The following CLASP1 variants were observed in gnomAD, a reference collection of about 807,000 sequenced individuals.
CLASP1 encodes the protein CLIP-associating protein 1.
Under a neutral mutation model 192.3 loss-of-function variants are expected in CLASP1, and 38 were observed. That is an observed-to-expected ratio of 0.20 (90% confidence interval 0.15 to 0.26). The LOEUF (loss-of-function observed/expected upper bound fraction) is 0.26, where lower values mean the gene tolerates loss of function less well. CLASP1 is among the 10% of genes least tolerant of loss of function. CLASP1 has a pLI of 1.00. For missense variants in CLASP1, 1,433 were observed against 1,932.5 expected (o/e 0.74, Z 4.85); for synonymous variants, 691 against 712.8 (o/e 0.97, Z 0.49).
chr2:121,570,985 G>T (rs938898178), intron 2 of CLASP1, among the ~76,000 whole-genome samples: 1 of 151,568 alleles, frequency 6.6e-6, no homozygotes, highest in Non-Finnish European at 1.5e-5. Flanking sequence ...CAGAACCATG[G>T]CTACAAATTC....
At chr2:121,466,199 T>C (rs1412099434) in intron 9 of CLASP1, among the ~76,000 whole-genome samples, 2 of 152,170 alleles carry the variant, frequency 1.3e-5, no homozygotes, top group African/African-American at 2.4e-5. Context: ...ACTGAAAACA[T>C]CACCTTTAAA....
chr2:121,647,774 A>G (rs1285323161), intron 1 of CLASP1, among the ~76,000 whole-genome samples: 1 of 152,246 alleles, frequency 6.6e-6, no homozygotes, highest in Non-Finnish European at 1.5e-5. Flanking sequence ...TGTAACACAG[A>G]GATACAATAT....
chr2:121,512,081 C>T (rs1229827913), intron 7 of CLASP1, among the ~76,000 whole-genome samples: 1 of 152,068 alleles, frequency 6.6e-6, no homozygotes, highest in African/African-American at 2.4e-5. Context: ...AAAGTAGTTC[C>T]CAATGTAAGT....
At chr2:121,348,763 T>C (rs754188528) in intron 37 of CLASP1, 45 bp from the exon 39 acceptor site, 52 of 1,482,396 alleles carry the variant, frequency 3.5e-5, no homozygotes, top group Admixed American at 1.1e-4. Context: ...ACATGCCACA[T>C]GAAGCGAAAG....
At position 121,546,244 on chromosome 2, in the gene CLASP1, C is replaced by T. The variant is rs573867923; in HGVS notation, c.196-15919G>A. On this transcript the variant is annotated intron_variant, in intron 2 of 39. Coordinates refer to ENST00000263710, the Ensembl canonical transcript of CLASP1. ...AATAACTTGGCAGTTTCTTTAAAAA[C>T]GAAACACACACGTACCCTATGACTG... Among the ~76,000 whole-genome samples, 26 of 151,972 alleles carry T rather than the reference C, an allele frequency of 1.7e-4. No individual in the cohort carries two copies. In the South Asian group the frequency reaches 4.0e-3, roughly 23 times the overall value.
At position 121,427,401 on chromosome 2, in the gene CLASP1, T is replaced by G; in HGVS notation, c.2044+3A>C. On this transcript the variant is annotated splice_donor_region_variant and intron_variant, in intron 21 of 39. Coordinates refer to ENST00000263710, the Ensembl canonical transcript of CLASP1. ...AAAAAAGGCAAGAAGAGAAATGGCT[T>G]ACCACCAGCAGGATTAGCAGATCTG... The G allele has an allele frequency of 6.2e-7, 1 of 1,612,826 alleles. No individual in the cohort carries two copies. Among genetic ancestry groups the G allele is most frequent in the Non-Finnish European group, 8.5e-7 (1 of 1,179,548 alleles).
intron 2 of CLASP1, among the ~76,000 whole-genome samples, chr2:121,602,525 G>C (rs1178063324): frequency 1.3e-5 from 2 of 152,150 alleles, no homozygotes; most frequent in Non-Finnish European, 2.9e-5. Context: ...AAAGAACAAA[G>C]CTAGAGGCAT....
intron 1 of CLASP1, among the ~76,000 whole-genome samples, chr2:121,611,286 G>C (rs2065423219): frequency 7.3e-6 from 1 of 137,878 alleles, no homozygotes; most frequent in South Asian, 2.4e-4. Context: ...TGGAGGAGGA[G>C]GAGTTGGAGG....
chr2:121,461,201 C>T lies in CLASP1; in HGVS notation c.940-8G>A. On this transcript the variant is annotated splice_region_variant and splice_polypyrimidine_tract_variant and intron_variant, in intron 10 of 39. Coordinates refer to ENST00000263710, the Ensembl canonical transcript of CLASP1. ...GTCTCGGCTGGAATAAATCTGTAAG[C>T]AAAATTAATTTACAATCAATATAAA... 1 of 1,494,312 alleles carries T rather than the reference C, an allele frequency of 6.7e-7. No individual in the cohort carries two copies. The allele number at this position is 1,494,312 out of a possible 1,614,324, so 92.6% of individuals were successfully genotyped here.
chr2:121,609,302 G>T lies in CLASP1; in HGVS notation c.-285-3122C>A, dbSNP rs887812306. On this transcript the variant is annotated intron_variant, in intron 1 of 39. Coordinates refer to ENST00000263710, the Ensembl canonical transcript of CLASP1. ...ATTGTATAAGATTTCTAACAAATAA[G>T]CATATGCTTCTTGAACGTAATTATG... 2.6e-5 allele frequency among the ~76,000 whole-genome samples: 4 copies of T among 152,110 alleles called. No individual in the cohort carries two copies. In the East Asian group the frequency reaches 7.7e-4, roughly 29 times the overall value.
intron 2 of CLASP1, among the ~76,000 whole-genome samples, chr2:121,593,119 A>C (rs1214392252): frequency 6.6e-6 from 1 of 152,196 alleles, no homozygotes; most frequent in Non-Finnish European, 1.5e-5. Context: ...CTCTTTAACC[A>C]CGTAGGAGGA....
chr2:121,404,054 T>C lies in CLASP1; in HGVS notation c.2733+317A>G, dbSNP rs369707422. On this transcript the variant is annotated intron_variant, in intron 26 of 39. Coordinates refer to ENST00000263710, the Ensembl canonical transcript of CLASP1. ...TGCATGATATTATAATATAATCTTA[T>C]ACCCTAGCACCTACCTCACTGTTTG... 3.9e-5 allele frequency among the ~76,000 whole-genome samples: 6 copies of C among 152,354 alleles called. No individual in the cohort carries two copies. In the East Asian group the frequency reaches 1.2e-3, roughly 29 times the overall value.
chr2:121,570,201 T>A (rs951915122), intron 2 of CLASP1, among the ~76,000 whole-genome samples: 1 of 152,068 alleles, frequency 6.6e-6, no homozygotes, highest in Non-Finnish European at 1.5e-5. Context: ...CCCACCCAAC[T>A]CCCAAAGGAA....
In CLASP1 at chr2:121,569,098, C is replaced by T. The variant is rs182743718; in HGVS notation, c.195+36603G>A. Among the ~76,000 whole-genome samples the T allele has an allele frequency of 7.9e-5, 12 of 152,186 alleles. No individual in the cohort carries two copies. The East Asian group carries it at 2.1e-3, about 27-fold the overall frequency. ...ACCATGTCCCAAGCACTGTTTTAGGCAATAGAGACGCTAATGACTTTGCCT... is the reference window on the plus strand; with the variant it reads ...ACCATGTCCCAAGCACTGTTTTAGGTAATAGAGACGCTAATGACTTTGCCT... On this transcript the variant is annotated intron_variant, in intron 2 of 39. Transcript: ENST00000263710.
intron 10 of CLASP1, 121 bp from the exon 11 acceptor site, chr2:121,461,314 C>A (rs79466840): frequency 4.9e-6 from 3 of 612,136 alleles, no homozygotes; most frequent in Non-Finnish European, 8.5e-6. Context: ...TAAGAAATAC[C>A]TATGAGAAAA....
At position 121,377,539 on chromosome 2, in the gene CLASP1, T is replaced by C. The variant is rs772575850; in HGVS notation, c.3602A>G (p.Asn1201Ser). 7 of 1,604,536 alleles carry C rather than the reference T, an allele frequency of 4.4e-6. No homozygotes were observed. The South Asian group carries it at 7.8e-5, about 18-fold the overall frequency. ...TTTGCCATCTCGTTTAATTGGCTCA[T>C]TCAGATCTTCTTGGCTTCGAAAACT... The change falls in exon 34 of 40, where the codon AAT (asparagine) becomes AGT (serine). Residue 1201 changes from asparagine (N) to serine (S), a missense_variant. Asn to Ser is a conservative substitution (Grantham distance 46). Coordinates refer to ENST00000263710, the Ensembl canonical transcript of CLASP1.
intron 19 of CLASP1, among the ~76,000 whole-genome samples, chr2:121,434,430 A>T (rs2081971582): frequency 6.6e-6 from 1 of 151,582 alleles, no homozygotes; most frequent in African/African-American, 2.4e-5. Context: ...ACGCCATATT[A>T]ATTTTTAAAT....
intron 5 of CLASP1, among the ~76,000 whole-genome samples, chr2:121,526,719 C>T (rs1358521599): frequency 6.6e-6 from 1 of 152,072 alleles, no homozygotes; most frequent in African/African-American, 2.4e-5. Flanking sequence ...GGATAAAATG[C>T]ACCAAATTTA....
chr2:121,641,659 CTTA>C (rs2072108770), intron 1 of CLASP1, among the ~76,000 whole-genome samples: 1 of 152,138 alleles, frequency 6.6e-6, no homozygotes, highest in South Asian at 2.1e-4. Flanking sequence ...CTCATGATTG[CTTA>C]TTCTTTTTTA....
Sources: allele counts gnomAD v4.1 joint callset (sites outside exome capture counted in the v4.1 genomes callset), GRCh38; gene constraint gnomAD v4.1.1; transcripts MANE v1.5; gene names NCBI Gene and HGNC (gene_info 2026-07-23, HGNC 2026-07-21).